The following ITPR1 variants were observed in gnomAD, a reference collection of about 807,000 sequenced individuals.
The protein encoded by ITPR1 is inositol 1,4,5-trisphosphate-gated calcium channel ITPR1.
ITPR1 carries 96 observed loss-of-function variants against 318.4 expected under a neutral mutation model. The ratio of observed to expected loss-of-function variants is 0.30; its 90% confidence interval spans 0.26 to 0.36. The LOEUF is 0.36. ITPR1 is among the 10% of genes least tolerant of loss of function. The pLI, the probability that ITPR1 is intolerant of heterozygous loss-of-function variation, is 1.00. For synonymous variants in ITPR1, 1,312 were observed against 1,289.9 expected (o/e 1.02, Z -0.37); for missense variants, 2,440 against 3,460.2 (o/e 0.71, Z 7.40).
chr3:4,637,164 T>G, intron 5 of ITPR1, among the ~76,000 whole-genome samples: 1 of 152,242 alleles, frequency 6.6e-6, no homozygotes, highest in East Asian at 1.9e-4. Flanking sequence ...CATATTTGCA[T>G]GTTGGAAAAT....
rs1346383489 is a variant in ITPR1 at position 4,779,221 on chromosome 3, G to T, written c.6292-329G>T. ...CTTCCCAACCACTGTCACCATGAGG[G>T]TGACAGTGTATCCGTAAGCACCCAC... On this transcript the variant is annotated intron_variant, in intron 48 of 61. Coordinates refer to ENST00000649015, the MANE Select transcript of ITPR1 (RefSeq NM_001378452.1). This position sits in a 1 kb window ranked among gnomAD's most constrained non-coding sequence, Gnocchi z 4.0. 6.6e-6 allele frequency among the ~76,000 whole-genome samples: 1 copy of T among 152,238 alleles called. No homozygotes were observed. The highest frequency in any genetic ancestry group is 2.4e-5 in the African/African-American group (1 of 41,456).
rs2093354331 is a variant in ITPR1, at chr3:4,642,252, G to A, written c.525+1G>A. On this transcript the variant is annotated splice_donor_variant, in intron 7 of 61. Transcript: ENST00000649015. LOFTEE classifies it high-confidence loss of function. The stretch of plus-strand genomic sequence containing the variant: ...CAAGCTGCGATCCATTGGAGACAGC[G>A]TAAGTGCGGATTCTCCACCTAGAAA... 2 of 1,542,180 alleles carry A rather than the reference G, an allele frequency of 1.3e-6. No homozygotes were observed. Among genetic ancestry groups the A allele is most frequent in the Non-Finnish European group, 1.7e-6 (2 of 1,145,516 alleles).
chr3:4,686,868 G>A (rs2094403878), intron 30 of ITPR1, among the ~76,000 whole-genome samples: 1 of 152,234 alleles, frequency 6.6e-6, no homozygotes, highest in Non-Finnish European at 1.5e-5. Flanking sequence ...CTGTCAACCA[G>A]CAGTGGCTGT....
intron 4 of ITPR1, among the ~76,000 whole-genome samples, chr3:4,540,756 AG>A (rs2084365687): frequency 6.6e-6 from 1 of 152,068 alleles, no homozygotes; most frequent in African/African-American, 2.4e-5. Flanking sequence ...TTGTATTTTT[AG>A]TAGAGACAGG....
At position 4,658,887 on chromosome 3, in the gene ITPR1, G is replaced by A. The variant is rs114546641; in HGVS notation, c.1151+609G>A. ...TAATAATGGCTGACACTTATTGAGC[G>A]CTGACTGCATGCTAGACACAAAGCT... On this transcript the variant is annotated intron_variant, in intron 13 of 61. Transcript: ENST00000649015. Among the ~76,000 whole-genome samples, 307 of 152,146 alleles carry A rather than the reference G, an allele frequency of 2.0e-3. 1 individual carries two copies. Among genetic ancestry groups the A allele is most frequent in the Non-Finnish European group, 2.8e-3 (188 of 68,002 alleles).
chr3:4,768,192 TCTC>T, intron 45 of ITPR1: 1 of 262,546 alleles, frequency 3.8e-6, no homozygotes, highest in Non-Finnish European at 7.2e-6. Context: ...TCACGGATGC[TCTC>T]CCATTTTAAA....
At chr3:4,544,654 T>C (rs1479327758) in intron 4 of ITPR1, among the ~76,000 whole-genome samples, 1 of 152,238 alleles carries the variant, frequency 6.6e-6, no homozygotes, top group Non-Finnish European at 1.5e-5. Flanking sequence ...ATCCTCTCAG[T>C]CGTTTTGGAC....
intron 4 of ITPR1, among the ~76,000 whole-genome samples, chr3:4,572,080 T>C (rs1437126380): frequency 1.3e-5 from 2 of 152,206 alleles, no homozygotes; most frequent in African/African-American, 4.8e-5. Context: ...GAGTGCTCAG[T>C]CTTCATCTCT....
Position 4,766,660 on chromosome 3 carries a change from A to G in ITPR1, c.5675A>G (p.Asn1892Ser). 1 of 1,612,954 alleles carries G rather than the reference A, an allele frequency of 6.2e-7. No individual in the cohort carries two copies. Among genetic ancestry groups the G allele is most frequent in the Non-Finnish European group, 8.5e-7 (1 of 1,179,488 alleles). ...ACAGTGAACACCAGTGACTTGGGAAATAAAAAGAAAGACGATGAGGTAGAC... is the reference window on the plus strand; with the variant it reads ...ACAGTGAACACCAGTGACTTGGGAAGTAAAAAGAAAGACGATGAGGTAGAC... ...TVTVNTSDLGNKKKDDEVDRD... is the reference protein window; with the variant it reads ...TVTVNTSDLGSKKKDDEVDRD... Residue 1892 changes from asparagine to serine, a missense_variant, in exon 45 of 62, where the codon AAT becomes AGT. Around this residue, in one of 23 missense-constraint regions of ITPR1, gnomAD observed 80 missense variants for 122.0 expected, o/e 0.66. Coordinates refer to ENST00000649015, the MANE Select transcript of ITPR1 (RefSeq NM_001378452.1).
In ITPR1 at chr3:4,779,201, C is replaced by T. The variant is rs1009031155; in HGVS notation, c.6292-349C>T. On this transcript the variant is annotated intron_variant, in intron 48 of 61. Coordinates refer to ENST00000649015, the MANE Select transcript of ITPR1 (RefSeq NM_001378452.1). This position sits in a 1 kb window ranked among gnomAD's most constrained non-coding sequence, Gnocchi z 4.0. ...GATCTGTGTAGTAGCAGCTTCTTCC[C>T]AACCACTGTCACCATGAGGGTGACA... is the stretch of plus-strand genomic sequence containing the variant. 3.9e-5 allele frequency among the ~76,000 whole-genome samples: 6 copies of T among 152,256 alleles called. 1 individual carries two copies. The highest frequency in any genetic ancestry group is 3.3e-4 in the Admixed American group (5 of 15,288).
At chr3:4,811,781 C>T (rs889117161) in intron 56 of ITPR1, among the ~76,000 whole-genome samples, 2 of 152,152 alleles carry the variant, frequency 1.3e-5, no homozygotes, top group African/African-American at 4.8e-5. Context: ...CTGAGTAAAT[C>T]TACTTCTAGG....
intron 44 of ITPR1, among the ~76,000 whole-genome samples, chr3:4,739,162 T>C (rs565281240): frequency 6.6e-6 from 1 of 152,362 alleles, no homozygotes; most frequent in East Asian, 1.9e-4. Flanking sequence ...TTCGTCTTGC[T>C]GTTGAGAAGT....
intron 39 of ITPR1, among the ~76,000 whole-genome samples, chr3:4,712,327 C>A (rs148624153): frequency 6.6e-6 from 1 of 152,198 alleles, no homozygotes; most frequent in Non-Finnish European, 1.5e-5. Flanking sequence ...CAGGCATACA[C>A]GTCACCACTT....
intron 4 of ITPR1, among the ~76,000 whole-genome samples, chr3:4,546,417 A>T (rs1486675360): frequency 1.3e-5 from 2 of 152,198 alleles, no homozygotes; most frequent in Non-Finnish European, 2.9e-5. Context: ...TGAGGTTATG[A>T]AACTTGCCCA....
chr3:4,793,046 T>TGTG (rs1257616647), intron 52 of ITPR1, among the ~76,000 whole-genome samples: 1 of 152,158 alleles, frequency 6.6e-6, no homozygotes, highest in African/African-American at 2.4e-5. Flanking sequence ...CATAGTTCCA[T>TGTG]GTGCCACAGG....
chr3:4,779,593 A>T lies in ITPR1; in HGVS notation c.6335A>T (p.His2112Leu). 6.2e-7 allele frequency: 1 copy of T among 1,612,774 alleles called. No homozygotes were observed. The highest frequency in any genetic ancestry group is 8.5e-7 in the Non-Finnish European group (1 of 1,179,084). The change falls in exon 49 of 62, where the codon CAC becomes CTC. Residue 2112 changes from histidine to leucine, a missense_variant. By Grantham distance (99) the His-to-Leu change is moderately conservative (BLOSUM62 -3). Around this residue, in one of 23 missense-constraint regions of ITPR1, gnomAD observed 49 missense variants for 47.2 expected, o/e 1.04. Transcript: ENST00000649015. The surrounding 1 kb of genome is among the most constrained non-coding windows in gnomAD (Gnocchi z 4.0). ...KLLLAIMESRHDSENAERILY... is the reference protein window; with the variant it reads ...KLLLAIMESRLDSENAERILY... ...CTCCTGGCCATCATGGAAAGCAGGCACGACAGTGAAAACGCAGAGAGGATA... is the reference window on the plus strand; with the variant it reads ...CTCCTGGCCATCATGGAAAGCAGGCTCGACAGTGAAAACGCAGAGAGGATA...
intron 4 of ITPR1, among the ~76,000 whole-genome samples, chr3:4,608,164 T>C (rs552837809): frequency 2.4e-4 from 36 of 152,294 alleles, no homozygotes; most frequent in African/African-American, 8.4e-4. Flanking sequence ...CTCAATGTTA[T>C]ACATTTTGCA....
At chr3:4,579,156 G>A (rs528700331) in intron 4 of ITPR1, among the ~76,000 whole-genome samples, 2 of 152,270 alleles carry the variant, frequency 1.3e-5, no homozygotes, top group East Asian at 3.9e-4. Flanking sequence ...GTGACATTGA[G>A]AAGATTACTT....
chr3:4,768,647 C>T lies in ITPR1; in HGVS notation c.5862C>T (p.Thr1954=), dbSNP rs1207972761. Residue 1954 remains threonine (T), a synonymous_variant, in exon 46 of 62, where the codon ACC becomes ACT. Coordinates refer to ENST00000649015, the MANE Select transcript of ITPR1 (RefSeq NM_001378452.1). ...PDDHYQPGEG[T]QATADKAKDD... is the part of the protein sequence containing the mutation. ...ACCACTACCAGCCTGGAGAGGGCAC[C>T]CAGGCCACTGCCGACAAGGCCAAGG... 1.2e-6 allele frequency: 2 copies of T among 1,613,980 alleles called. No individual in the cohort carries two copies. The highest frequency in any genetic ancestry group is 3.3e-5 in the Admixed American group (2 of 60,026).
Sources: gnomAD v4.1 joint callset for allele counts (sites outside exome capture counted in the v4.1 genomes callset) on GRCh38, gnomAD v4.1.1 for gene constraint, gnomAD v4.1.1 regional missense constraint, Gnocchi (gnomAD v3.1) non-coding constraint, MANE v1.5 for transcripts, NCBI Gene and HGNC (gene_info 2026-07-23, HGNC 2026-07-21) for gene names.